Variants in CCPG1 observed in about 807,000 individuals in gnomAD.
The protein encoded by CCPG1 is cell cycle progression protein 1.
A neutral mutation model predicts 81.3 loss-of-function variants in CCPG1; 46 were observed. That is an observed-to-expected ratio of 0.57 (90% CI 0.45 to 0.72). CCPG1 has a LOEUF of 0.72. Among genes scored for constraint, CCPG1 ranks in the 30% least tolerant of loss-of-function variants. CCPG1 has a pLI of 0.00. For missense variants in CCPG1, 902 were observed against 937.6 expected, an observed-to-expected ratio of 0.96 and a Z score of 0.50; for synonymous variants, 330 against 305.2, an observed-to-expected ratio of 1.08 and a Z score of -0.85.
chr15:55,401,086 GT>G (rs1185402633), intron 1 of CCPG1, among the ~76,000 whole-genome samples: 1 of 152,054 alleles, frequency 6.6e-6, no homozygotes, highest in Non-Finnish European at 1.5e-5. Context: ...TACTTCCACA[GT>G]TTTTGGCTTT....
Position 55,372,020 on chromosome 15 carries a change from T to C in CCPG1, c.479A>G (p.Asp160Gly), listed in dbSNP as rs758388863. The C allele has an allele frequency of 6.2e-7, 1 of 1,614,090 alleles. No homozygotes were observed. Among genetic ancestry groups the C allele is most frequent in the Non-Finnish European group, 8.5e-7 (1 of 1,179,920 alleles). ...ETVFSSQPSD[D>G]ESSSDETSNQ... is the part of the protein sequence containing the mutation. ...ACTGGTTTCATCACTACTTGATTCA[T>C]CGTCACTAGGCTGAGATGAAAATAC... is the stretch of plus-strand genomic sequence containing the variant. Residue 160 changes from aspartate (D) to glycine (G), a missense_variant, in exon 6 of 9, where the codon GAT becomes GGT. Physicochemically the swap from Asp to Gly is moderately conservative, Grantham distance 94. Transcript: ENST00000442196.
In CCPG1 at chr15:55,364,203, C is replaced by T. The variant is rs1206517321; in HGVS notation, c.828+985G>A. On this transcript the variant is annotated intron_variant, in intron 7 of 8. Coordinates refer to ENST00000442196, the MANE Select transcript of CCPG1 (RefSeq NM_001204450.2). Reference sequence around the variant, plus strand: ...GCTATTTTGCTGATCCTCATAAACCCACAGAGGTGTTAGGTAATGACAGAA... The same window carrying T: ...GCTATTTTGCTGATCCTCATAAACCTACAGAGGTGTTAGGTAATGACAGAA... Among the ~76,000 whole-genome samples, 6 of 150,498 alleles carry T rather than the reference C, an allele frequency of 4.0e-5. 1 individual carries two copies. The highest frequency in any genetic ancestry group is 8.9e-5 in the Non-Finnish European group (6 of 67,458).
rs1300408433 is a variant in CCPG1, at chr15:55,360,062, G to A, written c.1711C>T (p.His571Tyr). Residue 571 changes from histidine to tyrosine, a missense_variant, in exon 8 of 9, where the codon CAT becomes TAT. By Grantham distance (83) the His-to-Tyr change is moderately conservative. Transcript: ENST00000442196. ...KPRTVFSDYL[H>Y]PQYKAPTENH... ...TCTGTAGGTGCCTTATACTGTGGAT[G>A]TAAATAGTCACTAAAAACTGTTCTT... is the stretch of plus-strand genomic sequence containing the variant. The A allele has an allele frequency of 6.2e-7, 1 of 1,613,808 alleles. No individual in the cohort carries two copies. Among genetic ancestry groups the A allele is most frequent in the African/African-American group, 1.3e-5 (1 of 75,034 alleles).
Position 55,372,467 on chromosome 15 carries a change from C to T in CCPG1, c.455-423G>A, listed in dbSNP as rs113216902. 8.6e-3 allele frequency: 1,751 copies of T among 203,178 alleles called. 24 individuals carry two copies. Among genetic ancestry groups the T allele is most frequent in the Non-Finnish European group, 0.014 (1,337 of 99,018 alleles). The allele number at this position is 203,178 out of a possible 1,614,324, so 12.6% of individuals were successfully genotyped here. A position where few individuals can be genotyped will look rare whatever the true frequency, so the allele number is the denominator to read the frequency against. On this transcript the variant is annotated intron_variant, in intron 5 of 8. Coordinates refer to ENST00000442196, the MANE Select transcript of CCPG1 (RefSeq NM_001204450.2). The stretch of plus-strand genomic sequence containing the variant: ...CCTGAGGTCAGGAGTTCGAGATCAG[C>T]CTGGCCAACATGGCGAAACCCCTTC...
chr15:55,358,628 G>C, intron 8 of CCPG1: 1 of 985,330 alleles, frequency 1.0e-6, no homozygotes, highest in Non-Finnish European at 1.2e-6. Context: ...ACTAAGTTCA[G>C]TTCAAAGGCC....
At chr15:55,407,038 C>A (rs1254079295) in intron 1 of CCPG1, among the ~76,000 whole-genome samples, 3 of 112,102 alleles carry the variant, frequency 2.7e-5, no homozygotes, top group Admixed American at 1.6e-4. Flanking sequence ...CACGTTGAGA[C>A]CCCCCCCCCC....
rs376496579 is a variant in CCPG1, at chr15:55,358,732, T to G, written c.2234+807A>C. On this transcript the variant is annotated intron_variant, in intron 8 of 8. Transcript: ENST00000442196. Reference sequence around the variant, plus strand: ...TCATTTATTTACTTAGCTTGTGAGCTCCTTTGAAGCAAAAATTTTTCACTT... The same window carrying G: ...TCATTTATTTACTTAGCTTGTGAGCGCCTTTGAAGCAAAAATTTTTCACTT... The G allele has an allele frequency of 3.6e-5, 35 of 985,460 alleles. No homozygotes were observed. The African/African-American group carries it at 4.5e-4, about 13-fold the overall frequency. 61.0% of individuals were successfully genotyped at this position (985,460 alleles called of 1,614,324 possible). A position where few individuals can be genotyped will look rare whatever the true frequency, so the allele number is the denominator to read the frequency against.
At chr15:55,389,516 A>G in intron 1 of CCPG1, 83 bp from the exon 2 acceptor site, 1 of 940,040 alleles carries the variant, frequency 1.1e-6, no homozygotes, top group Non-Finnish European at 1.7e-6. Context: ...CTAAGTTTGA[A>G]AAGTGGTTTA....
chr15:55,399,450 A>G (rs996206644), intron 1 of CCPG1, among the ~76,000 whole-genome samples: 1 of 148,154 alleles, frequency 6.7e-6, no homozygotes. Context: ...CTAGCCGGGC[A>G]TGGTGGTGGG....
chr15:55,379,161 C>CACGTGTGTGTGTGT (rs146009067), intron 3 of CCPG1, among the ~76,000 whole-genome samples: 21 of 134,764 alleles, frequency 1.6e-4, no homozygotes, highest in Admixed American at 5.2e-4. Flanking sequence ...TGTATATGTA[C>CACGTGTGTGTGTGT]GTGTGTGTGT....
intron 5 of CCPG1, among the ~76,000 whole-genome samples, chr15:55,376,263 A>T (rs780619746): frequency 3.4e-4 from 52 of 152,174 alleles, no homozygotes; most frequent in Non-Finnish European, 6.9e-4. Context: ...TACTTACATC[A>T]CATTAAAAGA....
In CCPG1 at chr15:55,393,417, G is replaced by C. The variant is rs183947659; in HGVS notation, c.-9-3984C>G. ...ACTGCATGACTGCACTCCAGCCTGG[G>C]TAACAGAGCAAGACCCTGTCTCAAA... On this transcript the variant is annotated intron_variant, in intron 1 of 8. Transcript: ENST00000442196. 3.7e-3 allele frequency among the ~76,000 whole-genome samples: 563 copies of C among 152,266 alleles called. 5 individuals carry two copies. Among genetic ancestry groups the C allele is most frequent in the African/African-American group, 0.013 (535 of 41,556 alleles).
chr15:55,366,287 A>G (rs2056325405), intron 6 of CCPG1, among the ~76,000 whole-genome samples: 1 of 151,780 alleles, frequency 6.6e-6, no homozygotes, highest in South Asian at 2.1e-4. Context: ...ACAGGTCGTA[A>G]GTCAATAAGG....
intron 6 of CCPG1, among the ~76,000 whole-genome samples, chr15:55,365,954 AAAAAG>A (rs1418775100): frequency 1.3e-5 from 2 of 151,966 alleles, no homozygotes; most frequent in African/African-American, 2.4e-5. Flanking sequence ...AATAAAATAA[AAAAAG>A]AAAAGTAAAT....
chr15:55,393,045 G>A (rs757793915), intron 1 of CCPG1, among the ~76,000 whole-genome samples: 5 of 152,258 alleles, frequency 3.3e-5, no homozygotes, highest in Admixed American at 6.5e-5. Flanking sequence ...CGGATGTTGC[G>A]GTGAGCCAAG....
intron 1 of CCPG1, among the ~76,000 whole-genome samples, chr15:55,394,846 T>G (rs2056985278): frequency 6.6e-6 from 1 of 151,616 alleles, no homozygotes; most frequent in Non-Finnish European, 1.5e-5. Flanking sequence ...AACTGGACAA[T>G]GAGAAGCCAG....
In CCPG1 at chr15:55,356,155, A is replaced by C; in HGVS notation, c.*65T>G. On this transcript the variant is annotated 3_prime_UTR_variant, in exon 9 of 9. Transcript: ENST00000442196. ...CATCTTGGTAATTTCATTAGTTTCA[A>C]TACCAAACATTATACAAAGCATAAA... 8.3e-7 allele frequency: 1 copy of C among 1,200,634 alleles called. No individual in the cohort carries two copies. The allele number at this position is 1,200,634 out of a possible 1,614,324, so 74.4% of individuals were successfully genotyped here.
chr15:55,358,536 C>G, intron 8 of CCPG1: 1 of 985,444 alleles, frequency 1.0e-6, no homozygotes. Flanking sequence ...TTCACATCTC[C>G]AAATGACCTT....
At chr15:55,393,296 A>G (rs1296569715) in intron 1 of CCPG1, among the ~76,000 whole-genome samples, 1 of 152,006 alleles carries the variant, frequency 6.6e-6, no homozygotes, top group African/African-American at 2.4e-5. Context: ...TTTAATCAGC[A>G]GGACATGGTG....
Sources: allele counts gnomAD v4.1 joint callset (sites outside exome capture counted in the v4.1 genomes callset), GRCh38; gene constraint gnomAD v4.1.1; transcripts MANE v1.5; gene names NCBI Gene and HGNC (gene_info 2026-07-23, HGNC 2026-07-21).